Variants in NRP1 observed in about 807,000 individuals in gnomAD.
The protein encoded by NRP1 is neuropilin-1.
NRP1 carries 35 observed loss-of-function variants against 106.7 expected under a neutral mutation model. That is an observed-to-expected ratio of 0.33 (90% CI 0.25 to 0.43). NRP1 has a LOEUF of 0.43. NRP1 is among the 20% of genes least tolerant of loss of function. NRP1 has a pLI of 1.00. For missense variants in NRP1, 1,024 were observed against 1,170.4 expected, an observed-to-expected ratio of 0.87 and a Z score of 1.83; for synonymous variants, 437 against 417.9, an observed-to-expected ratio of 1.05 and a Z score of -0.56.
intron 11 of NRP1, chr10:33,202,529 T>G: frequency 1.5e-6 from 2 of 1,310,802 alleles, no homozygotes; most frequent in Non-Finnish European, 2.0e-6. Context: ...ATAAACATTC[T>G]GAAGTGTGTG....
chr10:33,239,568 T>C (rs1428226260), intron 6 of NRP1, among the ~76,000 whole-genome samples: 1 of 152,204 alleles, frequency 6.6e-6, no homozygotes, highest in Non-Finnish European at 1.5e-5. Context: ...TCATAAACTT[T>C]CTAGTCCTTT....
chr10:33,203,298 T>A (rs546283108), intron 10 of NRP1, among the ~76,000 whole-genome samples: 30 of 152,356 alleles, frequency 2.0e-4, no homozygotes, highest in African/African-American at 6.5e-4. Context: ...TCTCACTGGT[T>A]ATTTATTCAG....
intron 9 of NRP1, among the ~76,000 whole-genome samples, chr10:33,210,111 G>A: frequency 6.6e-6 from 1 of 152,102 alleles, no homozygotes; most frequent in East Asian, 1.9e-4. Flanking sequence ...TAAATTAATT[G>A]GCCTTTTCCA....
chr10:33,321,475 T>A (rs1025995020), intron 2 of NRP1, among the ~76,000 whole-genome samples: 2 of 152,196 alleles, frequency 1.3e-5, no homozygotes, highest in African/African-American at 4.8e-5. Flanking sequence ...TAATCTCTTA[T>A]CAGACCAAGT....
Position 33,207,700 on chromosome 10 carries a change from T to C in NRP1, c.1631A>G (p.Asn544Ser), listed in dbSNP as rs773082833. The C allele has an allele frequency of 6.8e-6, 11 of 1,613,830 alleles. No homozygotes were observed. The highest frequency in any genetic ancestry group is 8.5e-6 in the Non-Finnish European group (10 of 1,179,970). Reference sequence around the variant, plus strand: ...CCGCAGCTCAGGTGTATCATAGTTGTTGTTGCCCTCAAAAGACTGTGAAGC... The same window carrying C: ...CCGCAGCTCAGGTGTATCATAGTTGCTGTTGCCCTCAAAAGACTGTGAAGC... ...KRKAKSFEGNNNYDTPELRTF... is the reference protein window; with the variant it reads ...KRKAKSFEGNSNYDTPELRTF... The change falls in exon 10 of 17, where the codon AAC (asparagine) becomes AGC (serine). Residue 544 changes from asparagine to serine, a missense_variant. Asn to Ser is a conservative substitution (Grantham distance 46, BLOSUM62 1). Coordinates refer to ENST00000374867, the MANE Select transcript of NRP1 (RefSeq NM_003873.7).
At chr10:33,334,230 G>T in intron 1 of NRP1, 80 bp downstream of exon 1, 1 of 1,321,410 alleles carries the variant, frequency 7.6e-7, no homozygotes, top group Non-Finnish European at 1.0e-6. Flanking sequence ...ATCCCGGGAA[G>T]CCCCGCCTGA....
intron 9 of NRP1, 21 bp from the exon 10 acceptor site, chr10:33,207,737 A>C: frequency 6.3e-7 from 1 of 1,598,050 alleles, no homozygotes; most frequent in East Asian, 2.2e-5. Context: ...TGGAAAACAC[A>C]GGGCATTAAG....
chr10:33,298,830 C>T (rs1402029391), intron 2 of NRP1, among the ~76,000 whole-genome samples: 1 of 152,150 alleles, frequency 6.6e-6, no homozygotes, highest in African/African-American at 2.4e-5. Context: ...AGACACCACA[C>T]GAATTCTAGC....
chr10:33,310,799 A>G (rs576821455), intron 2 of NRP1, among the ~76,000 whole-genome samples: 1 of 152,224 alleles, frequency 6.6e-6, no homozygotes, highest in East Asian at 1.9e-4. Flanking sequence ...GCATTCTACT[A>G]ATGTATTTAG....
At chr10:33,217,823 T>C (rs1838899464) in intron 8 of NRP1, among the ~76,000 whole-genome samples, 2 of 152,212 alleles carry the variant, frequency 1.3e-5, no homozygotes, top group African/African-American at 4.8e-5. Context: ...AGTTTTGTAA[T>C]GGAGGATTGA....
intron 6 of NRP1, among the ~76,000 whole-genome samples, chr10:33,240,787 C>G (rs576417377): frequency 6.6e-6 from 1 of 152,042 alleles, no homozygotes; most frequent in Non-Finnish European, 1.5e-5. Context: ...AAGGTTATAA[C>G]GAATGCTACC....
At chr10:33,326,793 C>T (rs1169854948) in intron 2 of NRP1, among the ~76,000 whole-genome samples, 5 of 152,212 alleles carry the variant, frequency 3.3e-5, no homozygotes, top group Admixed American at 6.5e-5. Flanking sequence ...CTTTGACAGC[C>T]ACTGCAAAAA....
chr10:33,258,431 C>A (rs1025881224), intron 4 of NRP1, among the ~76,000 whole-genome samples: 2 of 152,184 alleles, frequency 1.3e-5, no homozygotes, highest in East Asian at 3.9e-4. Context: ...CCCTCACTCT[C>A]CCTCCAGGCA....
intron 2 of NRP1, among the ~76,000 whole-genome samples, chr10:33,313,118 T>C (rs2804492): frequency 0.53 from 80,422 of 152,058 alleles, 22,353 homozygotes; most frequent in Admixed American, 0.61. Flanking sequence ...AAAATGCATC[T>C]GTTCATGGGT....
At position 33,192,212 on chromosome 10, in the gene NRP1, C is replaced by T. The variant is rs571108723; in HGVS notation, c.2062+69G>A. ...TAAATTCACAGACATTAGAAACCCT[C>T]CCAGTAACACAGCCTCGGAATCAAA... On this transcript the variant is annotated intron_variant, in intron 13 of 16. Transcript: ENST00000374867. 1.4e-5 allele frequency: 22 copies of T among 1,540,426 alleles called. No homozygotes were observed. The Admixed American group carries it at 2.2e-4, about 16-fold the overall frequency.
In NRP1 at chr10:33,180,316, G is replaced by A. The variant is rs748273581; in HGVS notation, c.2532C>T (p.Ser844=). ...EGEGEGDKNI[S]RKPGNVLKTL... ...TCTTCAACACATTGCCTGGCTTCCT[G>A]GAGATGTTCTTGTCACCTTCTCCTT... Residue 844 remains serine (S), a synonymous_variant, in exon 17 of 17, where the codon TCC becomes TCT. Coordinates refer to ENST00000374867, the MANE Select transcript of NRP1 (RefSeq NM_003873.7). The A allele has an allele frequency of 3.7e-6, 6 of 1,607,176 alleles. No individual in the cohort carries two copies. The highest frequency in any genetic ancestry group is 5.1e-6 in the Non-Finnish European group (6 of 1,174,462).
At chr10:33,193,582 TTAAAAA>T (rs1836567254) in intron 12 of NRP1, among the ~76,000 whole-genome samples, 1 of 152,186 alleles carries the variant, frequency 6.6e-6, no homozygotes, top group South Asian at 2.1e-4. Flanking sequence ...ACCGTTGAAC[TTAAAAA>T]TAAGCCTCAA....
chr10:33,304,809 T>G (rs1429016690), intron 2 of NRP1, among the ~76,000 whole-genome samples: 1 of 152,348 alleles, frequency 6.6e-6, no homozygotes, highest in East Asian at 1.9e-4. Context: ...CCTTGAAAGC[T>G]TCTGGTGGAA....
intron 2 of NRP1, among the ~76,000 whole-genome samples, chr10:33,273,853 G>A (rs568480245): frequency 3.5e-4 from 54 of 152,196 alleles, no homozygotes; most frequent in Non-Finnish European, 5.0e-4. Context: ...GGTCCAAAGG[G>A]CACCACCGTT....
Sources: gnomAD v4.1 joint callset for allele counts (sites outside exome capture counted in the v4.1 genomes callset) on GRCh38, gnomAD v4.1.1 for gene constraint, MANE v1.5 for transcripts, NCBI Gene and HGNC (gene_info 2026-07-23, HGNC 2026-07-21) for gene names.